EPC1: variants seen among roughly 807,000 people sequenced by gnomAD.
The protein encoded by EPC1 is enhancer of polycomb 1, also known as enhancer of polycomb homolog 1.
In EPC1, 12 loss-of-function variants were observed where a neutral mutation model predicts 98.4. The ratio of observed to expected loss-of-function variants is 0.12; its 90% CI spans 0.08 to 0.20. The LOEUF (loss-of-function observed/expected upper bound fraction) is 0.20, where lower values mean the gene tolerates loss of function less well. Among genes scored for constraint, EPC1 ranks in the 10% least tolerant of loss-of-function variants. EPC1 has a pLI of 1.00. For synonymous variants in EPC1, 357 were observed against 363.9 expected (o/e 0.98, Z 0.21); for missense variants, 729 against 990.5 (o/e 0.74, Z 3.54).
In EPC1 at chr10:32,346,992, T is replaced by C; in HGVS notation, c.-77A>G. The C allele has an allele frequency of 5.1e-6, 8 of 1,568,900 alleles. No homozygotes were observed. The highest frequency in any genetic ancestry group is 4.6e-5 in the South Asian group (4 of 86,714). ...GGATCATGGAGAACCGGGGGTTCGGTCCCCACTCGCCAACCGCTGCCGGGG... is the reference window on the plus strand; with the variant it reads ...GGATCATGGAGAACCGGGGGTTCGGCCCCCACTCGCCAACCGCTGCCGGGG... On this transcript the variant is annotated 5_prime_UTR_variant, in exon 1 of 14. Transcript: ENST00000319778.
At chr10:32,372,369 G>C (rs1366812124) in intron 1 of EPC1, among the ~76,000 whole-genome samples, 1 of 152,204 alleles carries the variant, frequency 6.6e-6, no homozygotes, top group East Asian at 1.9e-4. Context: ...TATAAAGACT[G>C]AAACATTTCA....
intron 2 of EPC1, among the ~76,000 whole-genome samples, chr10:32,299,629 A>T (rs1835377313): frequency 6.6e-6 from 1 of 152,058 alleles, no homozygotes; most frequent in African/African-American, 2.4e-5. Context: ...TTGTGATTAG[A>T]TTACACATTC....
chr10:32,285,146 C>A, intron 9 of EPC1, 96 bp from the exon 10 acceptor site: 1 of 878,870 alleles, frequency 1.1e-6, no homozygotes, highest in African/African-American at 1.7e-5. Context: ...GCCAAAAGGC[C>A]AACTCATACT....
At chr10:32,331,246 G>C (rs1837622082) in intron 1 of EPC1, among the ~76,000 whole-genome samples, 1 of 151,888 alleles carries the variant, frequency 6.6e-6, no homozygotes, top group Admixed American at 6.6e-5. Flanking sequence ...CAGCTACTTG[G>C]GAGGCTGAGG....
intron 1 of EPC1, among the ~76,000 whole-genome samples, chr10:32,331,359 A>G (rs1167235921): frequency 6.7e-6 from 1 of 149,760 alleles, no homozygotes. Flanking sequence ...TCTCAAAAGA[A>G]AAAAAAAAAA....
rs543852026 is a variant in EPC1, at chr10:32,307,105, T to G, written c.154-1174A>C. 5.3e-5 allele frequency among the ~76,000 whole-genome samples: 8 copies of G among 152,332 alleles called. No individual in the cohort carries two copies. In the South Asian group the frequency reaches 1.7e-3, roughly 32 times the overall value. The stretch of plus-strand genomic sequence containing the variant: ...TAGCTTTGGTTTGCTTGATATAACC[T>G]GGAGATCTTTCCATACCAATACTTC... On this transcript the variant is annotated intron_variant, in intron 1 of 13. Coordinates refer to ENST00000319778, the MANE Select transcript of EPC1 (RefSeq NM_001272004.3).
At chr10:32,352,382 T>A (rs1454756202) in intron 1 of EPC1, among the ~76,000 whole-genome samples, 1 of 152,058 alleles carries the variant, frequency 6.6e-6, no homozygotes, top group Non-Finnish European at 1.5e-5. Flanking sequence ...GTCCTCCCTG[T>A]CCTGCCTCAG....
chr10:32,329,677 C>T (rs16933258), intron 1 of EPC1, among the ~76,000 whole-genome samples: 7,800 of 152,130 alleles, frequency 0.051, 635 homozygotes, highest in African/African-American at 0.18. Flanking sequence ...ATAGACTAAA[C>T]TAGAAACACA....
intron 1 of EPC1, among the ~76,000 whole-genome samples, chr10:32,338,464 T>C (rs1465255752): frequency 6.6e-6 from 1 of 152,176 alleles, no homozygotes; most frequent in Non-Finnish European, 1.5e-5. Context: ...TCCCTTAAAC[T>C]CGCTAATAGC....
chr10:32,345,297 A>C, intron 1 of EPC1: 1 of 985,420 alleles, frequency 1.0e-6, no homozygotes, highest in South Asian at 4.7e-5. Flanking sequence ...TTATCTGTAA[A>C]GTTAGATTTA....
chr10:32,338,125 G>A (rs1325639597), intron 1 of EPC1, among the ~76,000 whole-genome samples: 1 of 152,144 alleles, frequency 6.6e-6, no homozygotes, highest in Non-Finnish European at 1.5e-5. Context: ...CAGGACGAAA[G>A]AGGCACATTT....
At chr10:32,307,169 T>C (rs1413298702) in intron 1 of EPC1, among the ~76,000 whole-genome samples, 1 of 152,174 alleles carries the variant, frequency 6.6e-6, no homozygotes, top group East Asian at 1.9e-4. Flanking sequence ...TATTCCACTA[T>C]ATGGACTTAC....
At chr10:32,375,011 A>G (rs949532794) in intron 1 of EPC1, among the ~76,000 whole-genome samples, 1 of 152,132 alleles carries the variant, frequency 6.6e-6, no homozygotes, top group Non-Finnish European at 1.5e-5. Flanking sequence ...TCATTTTGGA[A>G]AGATCAAAAA....
upstream of EPC1, among the ~76,000 whole-genome samples, chr10:32,348,720 G>A (rs1195964965): frequency 6.6e-6 from 1 of 152,154 alleles, no homozygotes; most frequent in Admixed American, 6.5e-5. Flanking sequence ...AGCCTTCCAA[G>A]TCAGCTTGGC....
chr10:32,340,719 AAGGCTG>A (rs1232211337), intron 1 of EPC1, among the ~76,000 whole-genome samples: 4 of 152,122 alleles, frequency 2.6e-5, no homozygotes, highest in South Asian at 2.1e-4. Context: ...AGCTACTTGT[AAGGCTG>A]AGGTGAGAGG....
In EPC1 at chr10:32,347,005, A is replaced by G; in HGVS notation, c.-90T>C. On this transcript the variant is annotated 5_prime_UTR_variant, in exon 1 of 14. Transcript: ENST00000319778. ...CCGGGGGTTCGGTCCCCACTCGCCA[A>G]CCGCTGCCGGGGACTTGAGGGGCGG... 6 of 1,541,946 alleles carry G rather than the reference A, an allele frequency of 3.9e-6. No individual in the cohort carries two copies. The highest frequency in any genetic ancestry group is 2.4e-5 in the South Asian group (2 of 82,856).
intron 1 of EPC1, among the ~76,000 whole-genome samples, chr10:32,328,857 G>A (rs1017191486): frequency 7.2e-5 from 11 of 152,198 alleles, no homozygotes; most frequent in African/African-American, 2.7e-4. Flanking sequence ...GGGTGTGGCA[G>A]GAAGGTGGTT....
At chr10:32,377,881 T>C (rs1312515444) in intron 1 of EPC1, among the ~76,000 whole-genome samples, 4 of 152,150 alleles carry the variant, frequency 2.6e-5, no homozygotes, top group South Asian at 2.1e-4. Flanking sequence ...AAAAACAAGA[T>C]AGACCTGCAA....
chr10:32,278,993 T>C (rs1836253501), intron 10 of EPC1, among the ~76,000 whole-genome samples: 1 of 152,168 alleles, frequency 6.6e-6, no homozygotes, highest in South Asian at 2.1e-4. Flanking sequence ...TTAATGTATT[T>C]TACTACAGGT....
Sources: gnomAD v4.1 joint callset for allele counts (sites outside exome capture counted in the v4.1 genomes callset) on GRCh38, gnomAD v4.1.1 for gene constraint, MANE v1.5 for transcripts, NCBI Gene and HGNC (gene_info 2026-07-23, HGNC 2026-07-21) for gene names.